PPFIA2: variants seen among roughly 807,000 people sequenced by gnomAD.
PPFIA2 encodes PPFI scaffold protein A2.
A neutral mutation model predicts 175.5 loss-of-function variants in PPFIA2; 46 were observed. The observed-to-expected ratio is 0.26, with a 90% CI of 0.21 to 0.34. The LOEUF (loss-of-function observed/expected upper bound fraction) is 0.34. Ranked by LOEUF, PPFIA2 falls within the 10% of genes least tolerant of loss-of-function variation. PPFIA2 has a pLI of 1.00. For missense variants in PPFIA2, 1,179 were observed against 1,506.1 expected, an observed-to-expected ratio of 0.78 and a Z score of 3.60; for synonymous variants, 568 against 511.4, an observed-to-expected ratio of 1.11 and a Z score of -1.49.
chr12:81,426,724 C>T (rs2047200729), intron 7 of PPFIA2, among the ~76,000 whole-genome samples: 1 of 151,978 alleles, frequency 6.6e-6, no homozygotes, highest in African/African-American at 2.4e-5. Context: ...GGAACTTCCA[C>T]AGTTTTCAAG....
intron 7 of PPFIA2, chr12:81,430,294 C>T (rs1194515903): frequency 1.3e-5 from 2 of 151,922 alleles, no homozygotes; most frequent in African/African-American, 2.4e-5. Flanking sequence ...CAGCATATAC[C>T]CTCTCCTTCC....
At chr12:81,462,296 T>TATATATATATATGTTAGAAAAC (rs2054710280) in intron 4 of PPFIA2, among the ~76,000 whole-genome samples, 3 of 145,578 alleles carry the variant, frequency 2.1e-5, no homozygotes, top group African/African-American at 7.4e-5. Flanking sequence ...CATATATATA[T>TATATATATATATGTTAGAAAAC]ATATATGTTT....
intron 3 of PPFIA2, among the ~76,000 whole-genome samples, chr12:81,707,320 T>G (rs1183625074): frequency 2.0e-5 from 3 of 151,470 alleles, no homozygotes; most frequent in Non-Finnish European, 4.4e-5. Flanking sequence ...CAAACAAATT[T>G]ACAAGAAAAA....
chr12:81,289,163 G>T (rs947589972), intron 24 of PPFIA2, among the ~76,000 whole-genome samples: 1 of 151,732 alleles, frequency 6.6e-6, no homozygotes. Context: ...CATGTAAAGC[G>T]CTTAGAACAG....
intron 4 of PPFIA2, among the ~76,000 whole-genome samples, chr12:81,663,680 A>G (rs932736730): frequency 6.6e-6 from 1 of 152,214 alleles, no homozygotes; most frequent in African/African-American, 2.4e-5. Flanking sequence ...CAGAATTGGA[A>G]AAAACCACTT....
chr12:81,559,266 G>A (rs2069467046), intron 4 of PPFIA2, among the ~76,000 whole-genome samples: 2 of 152,212 alleles, frequency 1.3e-5, no homozygotes, highest in Admixed American at 6.5e-5. Context: ...GAATGTGGGT[G>A]TGGTAGAAAC....
intron 4 of PPFIA2, among the ~76,000 whole-genome samples, chr12:81,517,450 A>T (rs555903532): frequency 5.3e-5 from 8 of 152,262 alleles, no homozygotes; most frequent in African/African-American, 1.7e-4. Context: ...CATTCCACAC[A>T]CTTCTCAAGA....
In PPFIA2 at chr12:81,603,396, G is replaced by A. The variant is rs545526077; in HGVS notation, c.303+73395C>T. Among the ~76,000 whole-genome samples the A allele has an allele frequency of 2.6e-5, 4 of 151,700 alleles. No individual in the cohort carries two copies. In the East Asian group the frequency reaches 7.7e-4, roughly 29 times the overall value. On this transcript the variant is annotated intron_variant, in intron 4 of 32. Transcript: ENST00000549396. ...AATCATTATTTCAGACAATAGACACGAAGACTGTTCTTGGTAAACCAGAAC... is the reference window on the plus strand; with the variant it reads ...AATCATTATTTCAGACAATAGACACAAAGACTGTTCTTGGTAAACCAGAAC...
At chr12:81,574,868 G>A (rs2073228441) in intron 4 of PPFIA2, among the ~76,000 whole-genome samples, 1 of 151,686 alleles carries the variant, frequency 6.6e-6, no homozygotes, top group Non-Finnish European at 1.5e-5. Flanking sequence ...GTGTTACCAA[G>A]GGTTAGATAA....
intron 4 of PPFIA2, among the ~76,000 whole-genome samples, chr12:81,500,453 A>C (rs2060475277): frequency 6.6e-6 from 1 of 152,178 alleles, no homozygotes; most frequent in Non-Finnish European, 1.5e-5. Context: ...TTTACCTAAA[A>C]TTCTAGCCAC....
chr12:81,269,601 G>A (rs1448597007), intron 28 of PPFIA2, among the ~76,000 whole-genome samples: 1 of 152,138 alleles, frequency 6.6e-6, no homozygotes, highest in African/African-American at 2.4e-5. Flanking sequence ...GACCCACAGA[G>A]GTCCCCTCAT....
At chr12:81,642,522 T>TAC (rs895910177) in intron 4 of PPFIA2, among the ~76,000 whole-genome samples, 1 of 150,034 alleles carries the variant, frequency 6.7e-6, no homozygotes, top group African/African-American at 2.4e-5. Flanking sequence ...ATGTCCTTAG[T>TAC]ACAGTGTTAC....
intron 3 of PPFIA2, among the ~76,000 whole-genome samples, chr12:81,737,434 C>CA (rs1268968331): frequency 1.3e-5 from 2 of 150,996 alleles, no homozygotes; most frequent in African/African-American, 4.9e-5. Flanking sequence ...GACATCTGGC[C>CA]AAAAAAAATA....
At chr12:81,609,541 C>T (rs2060674342) in intron 4 of PPFIA2, among the ~76,000 whole-genome samples, 1 of 152,046 alleles carries the variant, frequency 6.6e-6, no homozygotes, top group Non-Finnish European at 1.5e-5. Context: ...CTTCATTGTC[C>T]TTCTTAATTT....
At chr12:81,440,823 T>C (rs1384931298) in intron 6 of PPFIA2, among the ~76,000 whole-genome samples, 3 of 149,824 alleles carry the variant, frequency 2.0e-5, no homozygotes, top group African/African-American at 7.3e-5. Flanking sequence ...GATATATATA[T>C]ATATATATAT....
chr12:81,411,798 G>T (rs1364555561), intron 7 of PPFIA2, among the ~76,000 whole-genome samples: 1 of 152,010 alleles, frequency 6.6e-6, no homozygotes, highest in Non-Finnish European at 1.5e-5. Context: ...TCTCATTGGG[G>T]AAAATAAGTT....
chr12:81,499,463 T>C (rs2060367792), intron 4 of PPFIA2, among the ~76,000 whole-genome samples: 1 of 152,154 alleles, frequency 6.6e-6, no homozygotes, highest in Non-Finnish European at 1.5e-5. Flanking sequence ...ATTCTCATCA[T>C]GGAGGTATAG....
chr12:81,332,754 T>C (rs2056381297), intron 21 of PPFIA2, among the ~76,000 whole-genome samples: 1 of 152,164 alleles, frequency 6.6e-6, no homozygotes, highest in South Asian at 2.1e-4. Flanking sequence ...GAGTTTCCTT[T>C]CCGGATCATC....
intron 22 of PPFIA2, among the ~76,000 whole-genome samples, chr12:81,317,926 C>A (rs1036952503): frequency 6.6e-6 from 1 of 151,648 alleles, no homozygotes; most frequent in Non-Finnish European, 1.5e-5. Context: ...CTACTATGTA[C>A]ATATGCCTGT....
Sources: allele counts gnomAD v4.1 joint callset (sites outside exome capture counted in the v4.1 genomes callset), GRCh38; gene constraint gnomAD v4.1.1; transcripts MANE v1.5; gene names NCBI Gene and HGNC (gene_info 2026-07-23, HGNC 2026-07-21).